Variants in ANKRD54 observed in about 807,000 individuals in gnomAD.
The protein encoded by ANKRD54 is ankyrin repeat domain-containing protein 54.
In ANKRD54, 26 loss-of-function variants were observed where a neutral mutation model predicts 36.2. That is an observed-to-expected ratio of 0.72 (90% CI 0.53 to 1.00). The LOEUF is 1.00. ANKRD54 is among the 50% of genes least tolerant of loss of function. The probability of loss-of-function intolerance (pLI) is 0.00; values close to 1 mark genes in which losing one functional copy is unlikely to be tolerated. For missense variants in ANKRD54, 384 were observed against 424.3 expected (o/e 0.91, Z 0.83); for synonymous variants, 209 against 188.4 (o/e 1.11, Z -0.89).
chr22:37,841,864 T>TAAAG (rs1395663443), intron 1 of ANKRD54, among the ~76,000 whole-genome samples: 8 of 47,044 alleles, frequency 1.7e-4, no homozygotes, highest in African/African-American at 2.4e-4. Flanking sequence ...AATAAATAAA[T>TAAAG]AAATAAATAA....
chr22:37,837,936 A>G (rs1923751297), intron 3 of ANKRD54, among the ~76,000 whole-genome samples: 1 of 152,216 alleles, frequency 6.6e-6, no homozygotes, highest in Non-Finnish European at 1.5e-5. Context: ...GATCGAGACC[A>G]TACTGGCTAA....
intron 4 of ANKRD54, 82 bp from the exon 5 acceptor site, chr22:37,833,288 G>T: frequency 6.4e-7 from 1 of 1,551,230 alleles, no homozygotes. Flanking sequence ...GCAGGGCTGT[G>T]TCTCCCAGAC....
intron 3 of ANKRD54, 133 bp downstream of exon 3, chr22:37,838,367 G>A: frequency 2.4e-6 from 2 of 837,954 alleles, no homozygotes; most frequent in East Asian, 5.5e-5. Flanking sequence ...GCAGGGCACT[G>A]CAGTGCCAAG....
In ANKRD54 at chr22:37,833,739, G is replaced by A; in HGVS notation, c.492C>T (p.Asp164=). The change falls in exon 4 of 8, where the codon GAC becomes GAT. Residue 164 remains aspartate (D), a synonymous_variant. Transcript: ENST00000215941. ...CTCGCTGGTTAGGATCAGCACCATG[G>A]TCCAGGAGCAGCTGCACTGGAAACA... is the stretch of plus-strand genomic sequence containing the variant. ...GNDQIVQLLL[D]HGADPNQRDG... The A allele has an allele frequency of 6.2e-7, 1 of 1,614,110 alleles. No individual in the cohort carries two copies. The highest frequency in any genetic ancestry group is 8.5e-7 in the Non-Finnish European group (1 of 1,179,964).
chr22:37,833,562 G>A lies in ANKRD54; in HGVS notation c.547+122C>T, dbSNP rs147150063. The A allele has an allele frequency of 1.6e-5, 17 of 1,052,830 alleles. No individual in the cohort carries two copies. In the African/African-American group the frequency reaches 1.9e-4, roughly 12 times the overall value. 65.2% of individuals were successfully genotyped at this position (1,052,830 alleles called of 1,614,324 possible). On this transcript the variant is annotated intron_variant, in intron 4 of 7. Transcript: ENST00000215941. ...TGGGCAGTGCAGCCCTGGGAGTGCA[G>A]GCCTAGGATCTTCCCTGACACTCAC...
chr22:37,844,793 C>T (rs7285408), upstream of ANKRD54, among the ~76,000 whole-genome samples: 571 of 152,220 alleles, frequency 3.8e-3, 1 homozygote, highest in African/African-American at 0.013. Flanking sequence ...TGGTCTCGAT[C>T]TCTTGATCTC....
chr22:37,842,985 G>C (rs1191840507), intron 1 of ANKRD54, among the ~76,000 whole-genome samples: 1 of 152,254 alleles, frequency 6.6e-6, no homozygotes, highest in Admixed American at 6.5e-5. Flanking sequence ...TTCCTCTTCA[G>C]TAAAGTGGGA....
At chr22:37,841,080 A>G (rs1461546453) in intron 1 of ANKRD54, among the ~76,000 whole-genome samples, 1 of 70,284 alleles carries the variant, frequency 1.4e-5, no homozygotes, top group Non-Finnish European at 2.4e-5. Flanking sequence ...AGACTGTCTC[A>G]GGAAAAAAAA....
chr22:37,833,327 G>A (rs1356357503), intron 4 of ANKRD54, 121 bp from the exon 5 acceptor site: 2 of 1,275,544 alleles, frequency 1.6e-6, no homozygotes, highest in African/African-American at 1.5e-5. Flanking sequence ...CTACTGAGAA[G>A]GTATCGCCAA....
At chr22:37,835,445 C>G (rs1923400564) in intron 3 of ANKRD54, among the ~76,000 whole-genome samples, 1 of 152,136 alleles carries the variant, frequency 6.6e-6, no homozygotes, top group Admixed American at 6.6e-5. Context: ...ACAGCAAGCT[C>G]AGAAAATCAA....
chr22:37,832,378 A>T (rs1452077259), intron 7 of ANKRD54, among the ~76,000 whole-genome samples: 1 of 151,202 alleles, frequency 6.6e-6, no homozygotes, highest in African/African-American at 2.4e-5. Flanking sequence ...CTTTTTCCAC[A>T]TGTTCTGAGA....
Position 37,831,125 on chromosome 22 carries a change from C to T in ANKRD54, c.*818G>A, listed in dbSNP as rs1417056022. ...CAGACCCGGGTGAGGACATCAAGCC[C>T]TCCTGAACAAGCTGGGATAATCTTC... On this transcript the variant is annotated 3_prime_UTR_variant, in exon 8 of 8. Coordinates refer to ENST00000215941, the MANE Select transcript of ANKRD54 (RefSeq NM_138797.4). 6.6e-6 allele frequency: 1 copy of T among 152,238 alleles called. No individual in the cohort carries two copies. Among genetic ancestry groups the T allele is most frequent in the Non-Finnish European group, 1.5e-5 (1 of 68,064 alleles). 9.4% of individuals were successfully genotyped at this position (152,238 alleles called of 1,614,324 possible). A position where few individuals can be genotyped will look rare whatever the true frequency, so the allele number is the denominator to read the frequency against.
At chr22:37,835,542 C>T (rs1923412210) in intron 3 of ANKRD54, among the ~76,000 whole-genome samples, 1 of 152,160 alleles carries the variant, frequency 6.6e-6, no homozygotes, top group African/African-American at 2.4e-5. Context: ...CGCAGTGGCT[C>T]ATGCTTGTAA....
chr22:37,837,661 A>G (rs1923718453), intron 3 of ANKRD54, among the ~76,000 whole-genome samples: 1 of 152,238 alleles, frequency 6.6e-6, no homozygotes. Flanking sequence ...TATAGGCAGT[A>G]TTCATGGGTG....
chr22:37,835,233 G>A (rs563604173), intron 3 of ANKRD54, among the ~76,000 whole-genome samples: 56 of 152,018 alleles, frequency 3.7e-4, no homozygotes, highest in African/African-American at 1.2e-3. Flanking sequence ...GTGGTGACAC[G>A]CATCTGTAAT....
intron 1 of ANKRD54, among the ~76,000 whole-genome samples, chr22:37,843,156 C>T (rs1022167371): frequency 2.0e-5 from 3 of 152,208 alleles, no homozygotes; most frequent in Admixed American, 6.5e-5. Flanking sequence ...GGGCCAGTGG[C>T]TCATGCCTGT....
chr22:37,836,447 CAAAAAAAA>C (rs760828902), intron 3 of ANKRD54, among the ~76,000 whole-genome samples: 3 of 22,636 alleles, frequency 1.3e-4, no homozygotes, highest in Non-Finnish European at 1.6e-4. Flanking sequence ...AACTCTGTCT[CAAAAAAAA>C]AAAAAAAAAA....
intron 3 of ANKRD54, among the ~76,000 whole-genome samples, chr22:37,836,394 C>T (rs538229754): frequency 9.9e-4 from 133 of 134,994 alleles, no homozygotes; most frequent in African/African-American, 3.6e-3. Flanking sequence ...TGTGGTTAGC[C>T]GAGATCACGC....
At chr22:37,840,923 A>C (rs1405547368) in intron 1 of ANKRD54, among the ~76,000 whole-genome samples, 8 of 151,838 alleles carry the variant, frequency 5.3e-5, no homozygotes, top group East Asian at 3.9e-4. Context: ...AACAAAAAAA[A>C]CCCAGCCATC....
Sources: allele counts gnomAD v4.1 joint callset (sites outside exome capture counted in the v4.1 genomes callset), GRCh38; gene constraint gnomAD v4.1.1; transcripts MANE v1.5; gene names NCBI Gene and HGNC (gene_info 2026-07-23, HGNC 2026-07-21).